Variants in LCLAT1 observed in about 807,000 individuals in gnomAD.
The protein encoded by LCLAT1 is 1-AGP acyltransferase 8.
A neutral mutation model predicts 30.7 loss-of-function variants in LCLAT1; 11 were observed. The ratio of observed to expected loss-of-function variants is 0.36; its 90% CI spans 0.23 to 0.59. The LOEUF (loss-of-function observed/expected upper bound fraction) is 0.59, where lower values mean the gene tolerates loss of function less well. Among genes scored for constraint, LCLAT1 ranks in the 20% least tolerant of loss-of-function variants. The probability of loss-of-function intolerance (pLI) is 0.77; values close to 1 mark genes in which losing one functional copy is unlikely to be tolerated. For missense variants in LCLAT1, 402 were observed against 458.6 expected (o/e 0.88, Z 1.13); for synonymous variants, 155 against 151.3 (o/e 1.02, Z -0.18).
At chr2:30,483,989 A>G (rs1423767970) in intron 1 of LCLAT1, among the ~76,000 whole-genome samples, 2 of 152,066 alleles carry the variant, frequency 1.3e-5, no homozygotes, top group African/African-American at 2.4e-5. Flanking sequence ...ACTGGATCCT[A>G]TTTATTTGTG....
intron 1 of LCLAT1, among the ~76,000 whole-genome samples, chr2:30,523,495 A>C (rs1466316074): frequency 6.6e-6 from 1 of 152,194 alleles, no homozygotes; most frequent in African/African-American, 2.4e-5. Flanking sequence ...GAGTTTAGCA[A>C]AAAGCCAGCT....
chr2:30,481,705 G>C (rs1683331380), intron 1 of LCLAT1, among the ~76,000 whole-genome samples: 2 of 152,166 alleles, frequency 1.3e-5, no homozygotes. Context: ...GCAGAAAGCT[G>C]ACTGAAGAGG....
intron 1 of LCLAT1, among the ~76,000 whole-genome samples, chr2:30,449,977 GA>G (rs141932355): frequency 0.024 from 3,714 of 152,172 alleles, 136 homozygotes; most frequent in African/African-American, 0.084. Context: ...AATAAAATAG[GA>G]TGAGTAAAAG....
intron 1 of LCLAT1, among the ~76,000 whole-genome samples, chr2:30,501,098 ATG>A (rs70962280): frequency 1.1e-4 from 13 of 121,914 alleles, no homozygotes; most frequent in African/African-American, 2.9e-4. Flanking sequence ...GTGTGTGTGT[ATG>A]TGTGTGTGTG....
chr2:30,461,434 G>A (rs1412893494), intron 1 of LCLAT1, among the ~76,000 whole-genome samples: 2 of 152,042 alleles, frequency 1.3e-5, no homozygotes, highest in Non-Finnish European at 2.9e-5. Context: ...TGTTTTGTTT[G>A]TTTGTTTTTT....
At chr2:30,490,204 T>C (rs1049877147) in intron 1 of LCLAT1, among the ~76,000 whole-genome samples, 39 of 149,518 alleles carry the variant, frequency 2.6e-4, no homozygotes, top group Admixed American at 4.0e-4. Context: ...CTCTGATTTT[T>C]TTTTTTTTTT....
chr2:30,591,186 A>C (rs540942603), intron 5 of LCLAT1, among the ~76,000 whole-genome samples: 1 of 152,286 alleles, frequency 6.6e-6, no homozygotes, highest in African/African-American at 2.4e-5. Context: ...TAAGTGTTAT[A>C]GCTATTGAGG....
At chr2:30,504,518 CTTG>C (rs57148069) in intron 1 of LCLAT1, among the ~76,000 whole-genome samples, 36,495 of 151,844 alleles carry the variant, frequency 0.24, 4,872 homozygotes, top group Non-Finnish European at 0.31. Flanking sequence ...GTCTTTCTAA[CTTG>C]TTGTTGAAAA....
At chr2:30,452,000 C>T (rs1304119969) in intron 1 of LCLAT1, among the ~76,000 whole-genome samples, 1 of 152,104 alleles carries the variant, frequency 6.6e-6, no homozygotes. Context: ...TGCATGATTC[C>T]ATTTAAATGA....
At chr2:30,631,905 T>C (rs1668786228) in intron 5 of LCLAT1, among the ~76,000 whole-genome samples, 1 of 152,228 alleles carries the variant, frequency 6.6e-6, no homozygotes, top group South Asian at 2.1e-4. Flanking sequence ...AAGTGCATAC[T>C]GTTATTCAGA....
intron 1 of LCLAT1, among the ~76,000 whole-genome samples, chr2:30,454,360 G>T (rs1473621980): frequency 6.6e-6 from 1 of 152,212 alleles, no homozygotes; most frequent in Non-Finnish European, 1.5e-5. Context: ...ATTTTATGAT[G>T]TAGTGCTCAA....
chr2:30,586,432 T>C (rs1466685490), intron 5 of LCLAT1, among the ~76,000 whole-genome samples: 1 of 152,166 alleles, frequency 6.6e-6, no homozygotes, highest in Non-Finnish European at 1.5e-5. Context: ...CTCCAGTCTT[T>C]ATATGGCCTC....
intron 3 of LCLAT1, among the ~76,000 whole-genome samples, chr2:30,553,798 G>A (rs1418885413): frequency 6.6e-6 from 1 of 152,064 alleles, no homozygotes; most frequent in Non-Finnish European, 1.5e-5. Context: ...GTCCGGCCTG[G>A]GCGACAGAGC....
intron 5 of LCLAT1, among the ~76,000 whole-genome samples, chr2:30,599,266 G>C (rs1348971265): frequency 6.6e-6 from 1 of 152,168 alleles, no homozygotes; most frequent in Non-Finnish European, 1.5e-5. Flanking sequence ...CCGGACATGA[G>C]CCACTGCACC....
At chr2:30,614,736 T>G (rs573883217) in intron 5 of LCLAT1, among the ~76,000 whole-genome samples, 2 of 152,154 alleles carry the variant, frequency 1.3e-5, no homozygotes, top group Admixed American at 1.3e-4. Flanking sequence ...TGACCACATA[T>G]GATATTTAAA....
intron 5 of LCLAT1, among the ~76,000 whole-genome samples, chr2:30,585,855 G>A (rs1321346867): frequency 6.6e-6 from 1 of 152,118 alleles, no homozygotes; most frequent in African/African-American, 2.4e-5. Context: ...CTCTGCTGGA[G>A]AAAATCCCCT....
intron 1 of LCLAT1, among the ~76,000 whole-genome samples, chr2:30,476,815 G>T (rs1424180174): frequency 3.3e-5 from 5 of 152,154 alleles, no homozygotes; most frequent in African/African-American, 1.2e-4. Context: ...GGGACTGCTG[G>T]CTTACAGGCT....
At chr2:30,615,149 G>A (rs2148509786) in intron 5 of LCLAT1, among the ~76,000 whole-genome samples, 1 of 152,218 alleles carries the variant, frequency 6.6e-6, no homozygotes, top group South Asian at 2.1e-4. Flanking sequence ...GATGGGAGAA[G>A]TTATAATATG....
At chr2:30,456,483 A>G (rs1216414648) in intron 1 of LCLAT1, among the ~76,000 whole-genome samples, 3 of 151,490 alleles carry the variant, frequency 2.0e-5, no homozygotes, top group Non-Finnish European at 4.4e-5. Flanking sequence ...GGGTAGAGAC[A>G]CCTGGGAGCC....
Sources: gnomAD v4.1 joint callset for allele counts (sites outside exome capture counted in the v4.1 genomes callset) on GRCh38, gnomAD v4.1.1 for gene constraint, MANE v1.5 for transcripts, NCBI Gene and HGNC (gene_info 2026-07-23, HGNC 2026-07-21) for gene names.